Variants in PECR observed in about 807,000 individuals in gnomAD.
The protein encoded by PECR is peroxisomal trans-2-enoyl-CoA reductase.
Under a neutral mutation model 35.3 loss-of-function variants are expected in PECR, and 30 were observed. The ratio of observed to expected loss-of-function variants is 0.85; its 90% CI spans 0.64 to 1.15. PECR has a LOEUF of 1.15. Among genes scored for constraint, PECR ranks in the 50% most tolerant of loss-of-function variants. PECR has a pLI of 0.00. For missense variants in PECR, 392 were observed against 370.8 expected (o/e 1.06, Z -0.47); for synonymous variants, 148 against 138.9 (o/e 1.07, Z -0.46).
intron 3 of PECR, among the ~76,000 whole-genome samples, chr2:216,061,425 T>C (rs186281719): frequency 4.4e-4 from 66 of 151,632 alleles, no homozygotes; most frequent in African/African-American, 1.5e-3. Flanking sequence ...AGATTACTTA[T>C]AGTTTACAAA....
At chr2:216,031,061 A>G (rs930050670) in intron 7 of PECR, among the ~76,000 whole-genome samples, 3 of 151,940 alleles carry the variant, frequency 2.0e-5, no homozygotes, top group African/African-American at 7.3e-5. Flanking sequence ...TCTCACTGAA[A>G]TATCTGTCTT....
intron 1 of PECR, among the ~76,000 whole-genome samples, chr2:216,075,833 AAAATGTTGTCTT>A (rs1382701518): frequency 1.3e-5 from 2 of 152,230 alleles, no homozygotes; most frequent in Admixed American, 6.5e-5. Context: ...AGAGCAAGAA[AAAATGTTGTCTT>A]GGGTCATAAT....
At chr2:216,066,769 T>C (rs1302641794) in intron 1 of PECR, among the ~76,000 whole-genome samples, 2 of 152,170 alleles carry the variant, frequency 1.3e-5, no homozygotes, top group East Asian at 1.9e-4. Context: ...CACTGTAACC[T>C]TGAACTTCTC....
Position 216,081,676 on chromosome 2 carries a change from G to C in PECR, c.66C>G (p.Ile22Met). ...APGLLQGQVA[I>M]VTGGATGIGK... ...CGATGCCCGTGGCCCCGCCGGTGAC[G>C]ATGGCCACTTGGCCCTGCAGCAAAC... Residue 22 changes from isoleucine (I) to methionine (M), a missense_variant, in exon 1 of 8, where the codon ATC (isoleucine) becomes ATG (methionine). Transcript: ENST00000265322. The C allele has an allele frequency of 6.2e-7, 1 of 1,613,678 alleles. No individual in the cohort carries two copies. Among genetic ancestry groups the C allele is most frequent in the Non-Finnish European group, 8.5e-7 (1 of 1,179,890 alleles).
At chr2:216,036,589 TA>T (rs1298013464), downstream of PECR, among the ~76,000 whole-genome samples, 1 of 152,212 alleles carries the variant, frequency 6.6e-6, no homozygotes, top group East Asian at 1.9e-4. Context: ...TGGGCCACTG[TA>T]AATGTCAATG....
In PECR at chr2:216,038,499, T is replaced by G. The variant is rs1007329051; in HGVS notation, c.*776A>C. ...CCATAAGGCATTATTGCTCCTAAAG[T>G]ATTTGCCACCAAAAATAAGTCATTG... On this transcript the variant is annotated 3_prime_UTR_variant, in exon 8 of 8. Coordinates refer to ENST00000265322, the MANE Select transcript of PECR (RefSeq NM_018441.6). 1 of 152,210 alleles carries G rather than the reference T, an allele frequency of 6.6e-6. No individual in the cohort carries two copies. The highest frequency in any genetic ancestry group is 2.4e-5 in the African/African-American group (1 of 41,456). The allele number at this position is 152,210 out of a possible 1,614,324, so 9.4% of individuals were successfully genotyped here. A position where few individuals can be genotyped will look rare whatever the true frequency, so the allele number is the denominator to read the frequency against.
At position 216,081,620 on chromosome 2, in the gene PECR, A is replaced by G; in HGVS notation, c.122T>C (p.Leu41Pro). 6.2e-7 allele frequency: 1 copy of G among 1,613,500 alleles called. No individual in the cohort carries two copies. The highest frequency in any genetic ancestry group is 8.5e-7 in the Non-Finnish European group (1 of 1,179,904). Residue 41 changes from leucine (L) to proline (P), a missense_variant and splice_region_variant, in exon 1 of 8, where the codon CTG becomes CCG. Transcript: ENST00000265322. Reference sequence around the variant, plus strand: ...GCACCAGCGGCCCGCTCACGTACCCAGCTCCAGGAGCTCCTTCACGATGGC... The same window carrying G: ...GCACCAGCGGCCCGCTCACGTACCCGGCTCCAGGAGCTCCTTCACGATGGC... The part of the protein sequence containing the change: ...GKAIVKELLE[L>P]GSNVVIASRK...
At chr2:216,067,776 C>T (rs1207046527) in intron 1 of PECR, among the ~76,000 whole-genome samples, 1 of 151,760 alleles carries the variant, frequency 6.6e-6, no homozygotes, top group East Asian at 1.9e-4. Flanking sequence ...AGGGTGGTCC[C>T]AATCTCTTGC....
chr2:216,043,035 A>G (rs1229550500), intron 7 of PECR, among the ~76,000 whole-genome samples: 8 of 125,670 alleles, frequency 6.4e-5, no homozygotes, highest in Middle Eastern at 4.2e-3. Flanking sequence ...GTATATATGT[A>G]TGTGTATATA....
At chr2:216,059,753 C>T (rs1318246692) in intron 3 of PECR, among the ~76,000 whole-genome samples, 1 of 152,176 alleles carries the variant, frequency 6.6e-6, no homozygotes, top group Non-Finnish European at 1.5e-5. Context: ...TCCCTAATGA[C>T]TATAATCATG....
At chr2:216,037,454 A>T (rs540865462), downstream of PECR, among the ~76,000 whole-genome samples, 19 of 152,332 alleles carry the variant, frequency 1.2e-4, no homozygotes, top group African/African-American at 4.3e-4. Context: ...ACCAACCTGT[A>T]TTAGGGCCAC....
intron 3 of PECR, among the ~76,000 whole-genome samples, chr2:216,061,129 CAAAAAAAAAA>C (rs151215904): frequency 3.8e-5 from 2 of 52,390 alleles, no homozygotes; most frequent in East Asian, 5.6e-4. Context: ...CCGGCTCTAC[CAAAAAAAAAA>C]AAAAAAAAAA....
At chr2:216,053,360 C>T (rs958564989) in intron 4 of PECR, among the ~76,000 whole-genome samples, 30 of 152,144 alleles carry the variant, frequency 2.0e-4, no homozygotes, top group Non-Finnish European at 3.1e-4. Context: ...TCTCCTGCCT[C>T]AGCCTCCCGA....
rs1181756846 is a variant in PECR, at chr2:216,043,005, GTA to G, written c.826+897_826+898del. ...TATATATATATACATACGTATATGT[GTA>G]TATATATATACACATACGTATATAT... is the stretch of plus-strand genomic sequence containing the variant. On this transcript the variant is annotated intron_variant, in intron 7 of 7. Transcript: ENST00000265322. Among the ~76,000 whole-genome samples the G allele has an allele frequency of 1.9e-4, 25 of 134,340 alleles. 1 individual carries two copies. Among genetic ancestry groups the G allele is most frequent in the Middle Eastern group, 3.8e-3 (1 of 262 alleles). The allele number at this position is 134,340 out of a possible 152,430, so 88.1% of individuals were successfully genotyped here.
intron 4 of PECR, among the ~76,000 whole-genome samples, chr2:216,053,862 A>G (rs1024627437): frequency 2.0e-5 from 3 of 152,174 alleles, no homozygotes; most frequent in Non-Finnish European, 4.4e-5. Flanking sequence ...TACTAAAGAA[A>G]TCAGCAAAAA....
chr2:216,029,924 A>G (rs1694654295), intron 7 of PECR, among the ~76,000 whole-genome samples: 1 of 152,194 alleles, frequency 6.6e-6, no homozygotes, highest in Non-Finnish European at 1.5e-5. Flanking sequence ...GCTGAGTCGT[A>G]TCTCTTATGG....
Position 216,065,348 on chromosome 2 carries a change from T to C in PECR, c.388A>G (p.Thr130Ala). ...SSKGWHAVLE[T>A]NLTGTFYMCK... ...ATGTAGAAGGTACCCGTCAGGTTGGTCTCAAGCACAGCGTGCCATCCCTTA... is the reference window on the plus strand; with the variant it reads ...ATGTAGAAGGTACCCGTCAGGTTGGCCTCAAGCACAGCGTGCCATCCCTTA... The change falls in exon 3 of 8, where the codon ACC becomes GCC. Residue 130 changes from threonine (T) to alanine (A), a missense_variant. Physicochemically the swap from Thr to Ala is moderately conservative, Grantham distance 58. Transcript: ENST00000265322. 1 of 1,612,488 alleles carries C rather than the reference T, an allele frequency of 6.2e-7. No individual in the cohort carries two copies.
intron 4 of PECR, 73 bp from the exon 5 acceptor site, chr2:216,051,618 T>C (rs1235377232): frequency 1.1e-6 from 1 of 929,374 alleles, no homozygotes; most frequent in Non-Finnish European, 1.8e-6. Flanking sequence ...AGCTCACAAG[T>C]GTGCCAACTA....
In PECR at chr2:216,048,384, TAAAAAAAA is replaced by T. The variant is rs71047969; in HGVS notation, c.714+871_714+878del. ...GCCACTGCGCCTGGCCTTGTTTTCT[TAAAAAAAA>T]AAAAAAAAAAAAATTGCATTTCAAG... is the stretch of plus-strand genomic sequence containing the variant. On this transcript the variant is annotated intron_variant, in intron 6 of 7. Transcript: ENST00000265322. Among the ~76,000 whole-genome samples the T allele has an allele frequency of 3.6e-3, 481 of 132,890 alleles. 5 individuals carry two copies. The highest frequency in any genetic ancestry group is 0.013 in the African/African-American group (465 of 35,590). The allele number at this position is 132,890 out of a possible 152,430, so 87.2% of individuals were successfully genotyped here.
Sources: gnomAD v4.1 joint callset for allele counts (sites outside exome capture counted in the v4.1 genomes callset) on GRCh38, gnomAD v4.1.1 for gene constraint, MANE v1.5 for transcripts, NCBI Gene and HGNC (gene_info 2026-07-23, HGNC 2026-07-21) for gene names.